COX7B2: variants seen among roughly 807,000 people sequenced by gnomAD.
COX7B2 encodes cytochrome c oxidase subunit 7B2, also known as cytochrome c oxidase subunit 7B2, mitochondrial.
For synonymous variants in COX7B2, 37 were observed against 32.1 expected, an observed-to-expected ratio of 1.15 and a Z score of -0.51; for missense variants, 109 against 95.9, an observed-to-expected ratio of 1.14 and a Z score of -0.57.
At chr4:46,791,791 T>C (rs928090308) in intron 2 of COX7B2, among the ~76,000 whole-genome samples, 3 of 152,192 alleles carry the variant, frequency 2.0e-5, no homozygotes, top group East Asian at 1.9e-4. Flanking sequence ...GTCCTTTCCA[T>C]AGGACACTGA....
At chr4:46,881,724 T>A (rs189081164) in intron 1 of COX7B2, among the ~76,000 whole-genome samples, 1 of 152,080 alleles carries the variant, frequency 6.6e-6, no homozygotes, top group East Asian at 1.9e-4. Flanking sequence ...CAAATAATAA[T>A]AATAATAATA....
intron 2 of COX7B2, among the ~76,000 whole-genome samples, chr4:46,767,275 T>C (rs1169277639): frequency 1.3e-5 from 2 of 152,212 alleles, no homozygotes; most frequent in African/African-American, 4.8e-5. Context: ...ACAATGTTAC[T>C]ATATAATGAA....
chr4:46,760,366 A>G lies in COX7B2; in HGVS notation c.-49-25125T>C, dbSNP rs527239896. 1.8e-3 allele frequency among the ~76,000 whole-genome samples: 280 copies of G among 152,354 alleles called. 1 individual carries two copies. In the Middle Eastern group the frequency reaches 0.02, roughly 11 times the overall value. On this transcript the variant is annotated intron_variant, in intron 2 of 2. Coordinates refer to ENST00000355591, the MANE Select transcript of COX7B2 (RefSeq NM_130902.3). ...ATGTGGCACATATACACCATGGAAT[A>G]CTATGCAGTCATAAAAAAGGATGAG...
At chr4:46,881,436 C>G (rs1357292722) in intron 1 of COX7B2, among the ~76,000 whole-genome samples, 2 of 152,106 alleles carry the variant, frequency 1.3e-5, no homozygotes, top group African/African-American at 2.4e-5. Context: ...CAGATATGCA[C>G]CTATCTCAGT....
At chr4:46,759,111 G>A (rs980192404) in intron 2 of COX7B2, among the ~76,000 whole-genome samples, 20 of 152,040 alleles carry the variant, frequency 1.3e-4, no homozygotes, top group African/African-American at 4.8e-4. Context: ...AGAATTAAAT[G>A]TAAATCCTCT....
At chr4:46,864,073 C>A (rs1251082419) in intron 1 of COX7B2, among the ~76,000 whole-genome samples, 1 of 152,082 alleles carries the variant, frequency 6.6e-6, no homozygotes, top group Non-Finnish European at 1.5e-5. Context: ...TAAAGCACTG[C>A]CCTTTCCAAC....
chr4:46,748,095 A>G (rs1223745525), intron 2 of COX7B2, among the ~76,000 whole-genome samples: 1 of 152,224 alleles, frequency 6.6e-6, no homozygotes, highest in Non-Finnish European at 1.5e-5. Flanking sequence ...AAGAACCAGA[A>G]AGAATAAATT....
intron 2 of COX7B2, among the ~76,000 whole-genome samples, chr4:46,794,240 G>A (rs1313285429): frequency 6.6e-6 from 1 of 152,170 alleles, no homozygotes; most frequent in Non-Finnish European, 1.5e-5. Flanking sequence ...GAAGAAACAA[G>A]TTGGATTAGG....
chr4:46,840,128 C>A (rs1715829875), intron 2 of COX7B2, among the ~76,000 whole-genome samples: 1 of 151,680 alleles, frequency 6.6e-6, no homozygotes, highest in South Asian at 2.1e-4. Flanking sequence ...AATTTCTGGC[C>A]TTTCCCTCAA....
chr4:46,801,891 G>A (rs1718677838), intron 2 of COX7B2, among the ~76,000 whole-genome samples: 2 of 151,984 alleles, frequency 1.3e-5, no homozygotes, highest in Admixed American at 6.6e-5. Context: ...GGTAATAGTG[G>A]GGGGAAAAAA....
At chr4:46,814,856 T>G (rs1192268185) in intron 2 of COX7B2, among the ~76,000 whole-genome samples, 1 of 152,180 alleles carries the variant, frequency 6.6e-6, no homozygotes, top group African/African-American at 2.4e-5. Context: ...TCTATATCCT[T>G]AGTATATTCC....
At chr4:46,851,735 T>C (rs1716700090) in intron 1 of COX7B2, among the ~76,000 whole-genome samples, 1 of 152,128 alleles carries the variant, frequency 6.6e-6, no homozygotes, top group Non-Finnish European at 1.5e-5. Context: ...AATATTGTTT[T>C]GTAAAATGTC....
intron 2 of COX7B2, among the ~76,000 whole-genome samples, chr4:46,825,452 C>T (rs1221737545): frequency 1.3e-5 from 2 of 152,116 alleles, no homozygotes; most frequent in South Asian, 4.1e-4. Context: ...AATGGCCATA[C>T]TGCCCAAAGC....
At chr4:46,826,263 G>GA (rs1413834048) in intron 2 of COX7B2, among the ~76,000 whole-genome samples, 5 of 152,022 alleles carry the variant, frequency 3.3e-5, no homozygotes, top group African/African-American at 4.8e-5. Context: ...AAAAACATAT[G>GA]AAAAAATCTC....
intron 1 of COX7B2, among the ~76,000 whole-genome samples, chr4:46,849,390 A>G (rs1464596939): frequency 6.6e-6 from 1 of 152,070 alleles, no homozygotes; most frequent in Admixed American, 6.6e-5. Flanking sequence ...AACTTATTTT[A>G]TTACTAACTA....
At chr4:46,740,468 T>C (rs1336555410) in intron 2 of COX7B2, among the ~76,000 whole-genome samples, 1 of 152,108 alleles carries the variant, frequency 6.6e-6, no homozygotes, top group Non-Finnish European at 1.5e-5. Context: ...ATGTAAGTTA[T>C]TTTGTAATAA....
rs78746970 is a variant in COX7B2, at chr4:46,791,812, T to A, written c.-50+53148A>T. Among the ~76,000 whole-genome samples, 207 of 152,280 alleles carry A rather than the reference T, an allele frequency of 1.4e-3. 2 individuals carry two copies. In the East Asian group the frequency reaches 0.021, roughly 15 times the overall value. ...TCCATAGGACACTGAAAAAACAGGATCCCTGTATCTGTTGATTCTCTTGCC... is the reference window on the plus strand; with the variant it reads ...TCCATAGGACACTGAAAAAACAGGAACCCTGTATCTGTTGATTCTCTTGCC... On this transcript the variant is annotated intron_variant, in intron 2 of 2. Coordinates refer to ENST00000355591, the MANE Select transcript of COX7B2 (RefSeq NM_130902.3).
intron 2 of COX7B2, among the ~76,000 whole-genome samples, chr4:46,828,334 G>T (rs999930674): frequency 9.2e-5 from 14 of 152,052 alleles, no homozygotes; most frequent in African/African-American, 2.4e-5. Context: ...TGAAAATAAG[G>T]CTCATATTCC....
At chr4:46,861,768 G>A (rs573436532) in intron 1 of COX7B2, among the ~76,000 whole-genome samples, 4 of 152,280 alleles carry the variant, frequency 2.6e-5, no homozygotes, top group African/African-American at 7.2e-5. Context: ...TTCCAGGCAC[G>A]AAGCAGCTGT....
Sources: gnomAD v4.1 joint callset for allele counts (sites outside exome capture counted in the v4.1 genomes callset) on GRCh38, gnomAD v4.1.1 for gene constraint, MANE v1.5 for transcripts, NCBI Gene and HGNC (gene_info 2026-07-23, HGNC 2026-07-21) for gene names.